Variants in CREB3L2 observed in about 807,000 individuals in gnomAD.
The protein encoded by CREB3L2 is cAMP responsive element binding protein 3 like 2.
Under a neutral mutation model 57.2 loss-of-function variants are expected in CREB3L2, and 23 were observed. The observed-to-expected ratio is 0.40, with a 90% CI of 0.29 to 0.57. The LOEUF is 0.57. CREB3L2 is among the 20% of genes least tolerant of loss of function. The pLI is 0.42. For synonymous variants in CREB3L2, 268 were observed against 265.1 expected (o/e 1.01, Z -0.11); for missense variants, 628 against 634.7 (o/e 0.99, Z 0.11).
intron 8 of CREB3L2, among the ~76,000 whole-genome samples, chr7:137,886,024 C>T (rs931683355): frequency 6.6e-6 from 1 of 152,146 alleles, no homozygotes; most frequent in African/African-American, 2.4e-5. Context: ...TATGAGAGGA[C>T]ACAGCAAGAA....
intron 8 of CREB3L2, among the ~76,000 whole-genome samples, chr7:137,889,094 A>T (rs76266337): frequency 0.021 from 3,206 of 149,582 alleles, 111 homozygotes; most frequent in African/African-American, 0.075. Flanking sequence ...GAATAGCTTT[A>T]AAAAAAAAAT....
chr7:137,915,622 C>G (rs1800110894), intron 3 of CREB3L2, among the ~76,000 whole-genome samples: 1 of 152,088 alleles, frequency 6.6e-6, no homozygotes, highest in South Asian at 2.1e-4. Flanking sequence ...AGCTTAGCTA[C>G]TAATTTTTTC....
chr7:137,945,088 T>G (rs1445973285), intron 1 of CREB3L2, among the ~76,000 whole-genome samples: 2 of 152,216 alleles, frequency 1.3e-5, no homozygotes, highest in Non-Finnish European at 2.9e-5. Flanking sequence ...AGACTGGGGG[T>G]TTCACCATGT....
At chr7:137,982,845 G>A (rs1241729743) in intron 1 of CREB3L2, among the ~76,000 whole-genome samples, 1 of 152,162 alleles carries the variant, frequency 6.6e-6, no homozygotes, top group Non-Finnish European at 1.5e-5. Flanking sequence ...TGAAAGGATG[G>A]TGCCCTCATG....
At chr7:137,976,100 G>A (rs1801603260) in intron 1 of CREB3L2, among the ~76,000 whole-genome samples, 1 of 152,322 alleles carries the variant, frequency 6.6e-6, no homozygotes. Flanking sequence ...TAATAATGTG[G>A]CCCAATGGCC....
At chr7:137,983,102 A>C (rs1243267773) in intron 1 of CREB3L2, among the ~76,000 whole-genome samples, 2 of 152,196 alleles carry the variant, frequency 1.3e-5, no homozygotes. Context: ...GCAGACTAAT[A>C]CACCCAGATA....
intron 5 of CREB3L2, 112 bp downstream of exon 5, chr7:137,908,140 C>G (rs974076182): frequency 3.9e-6 from 3 of 766,224 alleles, no homozygotes; most frequent in Non-Finnish European, 5.5e-6. Flanking sequence ...GCAGAAACTT[C>G]TTGACAAAAG....
At chr7:137,913,152 G>A (rs1016203967) in intron 3 of CREB3L2, 74 bp from the exon 4 acceptor site, 13 of 1,444,586 alleles carry the variant, frequency 9.0e-6, no homozygotes, top group Non-Finnish European at 1.0e-5. Context: ...AGAGCTATTT[G>A]TCACCTGTGT....
At chr7:137,914,886 T>C (rs1800093854) in intron 3 of CREB3L2, among the ~76,000 whole-genome samples, 1 of 152,158 alleles carries the variant, frequency 6.6e-6, no homozygotes, top group Non-Finnish European at 1.5e-5. Context: ...CATCTTTTTT[T>C]CTTTCTTTCT....
At position 137,987,398 on chromosome 7, in the gene CREB3L2, A is replaced by C. The variant is rs146879078; in HGVS notation, c.102+14206T>G. Among the ~76,000 whole-genome samples, 704 of 152,324 alleles carry C rather than the reference A, an allele frequency of 4.6e-3. 5 individuals carry two copies. Among genetic ancestry groups the C allele is most frequent in the Middle Eastern group, 0.014 (4 of 294 alleles). The stretch of plus-strand genomic sequence containing the variant: ...AATAAGTTTTCAGTAGCAAAAAAAA[A>C]CAAAAAACAAAAAACAGGATACAGT... On this transcript the variant is annotated intron_variant, in intron 1 of 11. Transcript: ENST00000330387.
chr7:137,986,785 A>G lies in CREB3L2; in HGVS notation c.102+14819T>C, dbSNP rs546247500. On this transcript the variant is annotated intron_variant, in intron 1 of 11. Coordinates refer to ENST00000330387, the MANE Select transcript of CREB3L2 (RefSeq NM_194071.4). ...AGAAGTCTGTATTTCAGTCAAAAGGAAACACTGGATTTCGACGTGCCTCAT... is the reference window on the plus strand; with the variant it reads ...AGAAGTCTGTATTTCAGTCAAAAGGGAACACTGGATTTCGACGTGCCTCAT... Among the ~76,000 whole-genome samples the G allele has an allele frequency of 7.9e-5, 12 of 152,336 alleles. No homozygotes were observed. The South Asian group carries it at 2.5e-3, about 32-fold the overall frequency.
chr7:137,953,628 C>T, intron 1 of CREB3L2: 1 of 804,984 alleles, frequency 1.2e-6, no homozygotes, highest in Non-Finnish European at 1.8e-6. Context: ...CCTTGTTTCA[C>T]TTGCATTGTG....
At position 137,969,791 on chromosome 7, in the gene CREB3L2, C is replaced by CACATACACAT. The variant is rs141056660; in HGVS notation, c.102+31812_102+31813insATGTGTATGT. Among the ~76,000 whole-genome samples, 692 of 148,360 alleles carry CACATACACAT rather than the reference C, an allele frequency of 4.7e-3. 4 individuals are homozygous for CACATACACAT. The highest frequency in any genetic ancestry group is 0.03 in the East Asian group (152 of 5,040). ...ACACACACACACACACACACACACA[C>CACATACACAT]ACAACATACACATACGCAGAAAGAC... On this transcript the variant is annotated intron_variant, in intron 1 of 11. Coordinates refer to ENST00000330387, the MANE Select transcript of CREB3L2 (RefSeq NM_194071.4).
intron 8 of CREB3L2, among the ~76,000 whole-genome samples, chr7:137,895,788 A>G (rs1799617853): frequency 6.6e-6 from 1 of 152,204 alleles, no homozygotes; most frequent in Non-Finnish European, 1.5e-5. Context: ...CATTTGGTCA[A>G]TGATGAAACA....
At chr7:137,982,206 T>A (rs570999460) in intron 1 of CREB3L2, among the ~76,000 whole-genome samples, 3 of 152,296 alleles carry the variant, frequency 2.0e-5, no homozygotes, top group African/African-American at 7.2e-5. Flanking sequence ...TACAATGCCC[T>A]AAAGAGCATT....
At chr7:137,924,526 G>A (rs1044675821) in intron 2 of CREB3L2, among the ~76,000 whole-genome samples, 2 of 152,086 alleles carry the variant, frequency 1.3e-5, no homozygotes, top group East Asian at 1.9e-4. Context: ...TACAAGACTT[G>A]GTCATTCAAA....
chr7:137,946,205 A>T (rs763335064), intron 1 of CREB3L2, among the ~76,000 whole-genome samples: 16 of 152,106 alleles, frequency 1.1e-4, no homozygotes, highest in Admixed American at 2.0e-4. Flanking sequence ...TGTGATTATG[A>T]CAGATGGCAG....
chr7:137,998,229 G>A (rs1473061955), intron 1 of CREB3L2, among the ~76,000 whole-genome samples: 2 of 152,172 alleles, frequency 1.3e-5, no homozygotes, highest in South Asian at 4.1e-4. Flanking sequence ...TTAACAGAAG[G>A]CTCCTGAGAA....
At chr7:137,983,584 T>C (rs1214683854) in intron 1 of CREB3L2, among the ~76,000 whole-genome samples, 5 of 152,176 alleles carry the variant, frequency 3.3e-5, no homozygotes, top group Non-Finnish European at 4.4e-5. Flanking sequence ...GACTCTCACT[T>C]AGTATTTTTA....
Sources: gnomAD v4.1 joint callset for allele counts (sites outside exome capture counted in the v4.1 genomes callset) on GRCh38, gnomAD v4.1.1 for gene constraint, MANE v1.5 for transcripts, NCBI Gene and HGNC (gene_info 2026-07-23, HGNC 2026-07-21) for gene names.